Variants in HK1 observed in about 807,000 individuals in gnomAD.
HK1 encodes hexokinase-1.
Under a neutral mutation model 91.6 loss-of-function variants are expected in HK1, and 28 were observed. The observed-to-expected ratio is 0.31, with a 90% CI of 0.23 to 0.42. HK1 has a LOEUF of 0.42. Among genes scored for constraint, HK1 ranks in the 10% least tolerant of loss-of-function variants. The pLI, the probability that HK1 is intolerant of heterozygous loss-of-function variation, is 1.00. For missense variants in HK1, 770 were observed against 1,219.8 expected, an observed-to-expected ratio of 0.63 and a Z score of 5.49; for synonymous variants, 430 against 468.1, an observed-to-expected ratio of 0.92 and a Z score of 1.05.
intron 1 of HK1, among the ~76,000 whole-genome samples, chr10:69,324,044 TA>T (rs1208177441): frequency 6.6e-6 from 1 of 152,200 alleles, no homozygotes; most frequent in Non-Finnish European, 1.5e-5. Context: ...GATTTGTTTT[TA>T]TTTTTTTATA....
intron 1 of HK1, among the ~76,000 whole-genome samples, chr10:69,342,333 G>C: frequency 6.6e-6 from 1 of 152,196 alleles, no homozygotes; most frequent in Non-Finnish European, 1.5e-5. Flanking sequence ...TGGAAAGCTG[G>C]GATCCAGACC....
At chr10:69,339,850 G>T (rs1351888100) in intron 1 of HK1, among the ~76,000 whole-genome samples, 1 of 152,116 alleles carries the variant, frequency 6.6e-6, no homozygotes, top group Non-Finnish European at 1.5e-5. Flanking sequence ...AGACTTGCAG[G>T]TATAAAACCT....
At chr10:69,347,257 C>T (rs562744263) in intron 2 of HK1, among the ~76,000 whole-genome samples, 11 of 151,774 alleles carry the variant, frequency 7.2e-5, no homozygotes, top group South Asian at 2.1e-4. Context: ...GTGATCCACC[C>T]GCCTCGGCCT....
chr10:69,293,767 T>C (rs1845403481), intron 3 of HK1, among the ~76,000 whole-genome samples: 2 of 151,614 alleles, frequency 1.3e-5, no homozygotes, highest in African/African-American at 4.9e-5. Context: ...TTCAGCAGAA[T>C]AACTGGGGCT....
intron 2 of HK1, among the ~76,000 whole-genome samples, chr10:69,285,732 G>T (rs551162761): frequency 1.3e-5 from 2 of 152,154 alleles, no homozygotes; most frequent in Non-Finnish European, 2.9e-5. Context: ...ACTTCGGGGT[G>T]GAGAGTATAT....
In HK1 at chr10:69,401,637, T is replaced by C; in HGVS notation, c.*502T>C. The C allele has an allele frequency of 2.6e-6, 1 of 385,984 alleles. No homozygotes were observed. Among genetic ancestry groups the C allele is most frequent in the Non-Finnish European group, 5.1e-6 (1 of 196,350 alleles). 23.9% of individuals were successfully genotyped at this position (385,984 alleles called of 1,614,324 possible). A position where few individuals can be genotyped will look rare whatever the true frequency, so the allele number is the denominator to read the frequency against. On this transcript the variant is annotated 3_prime_UTR_variant, in exon 18 of 18. Transcript: ENST00000359426. ...TGCTTCCTCCCCTCCTGGCACCCAC[T>C]GTGGCCTGGCATCGCATCGTGGTGT...
chr10:69,367,529 C>T (rs138012635), intron 4 of HK1, among the ~76,000 whole-genome samples: 2 of 152,314 alleles, frequency 1.3e-5, no homozygotes, highest in East Asian at 3.9e-4. Flanking sequence ...TGAGAGGAGG[C>T]AGATAGTGTC....
In HK1 at chr10:69,348,961, T is replaced by C. The variant is rs139621403; in HGVS notation, c.226+4972T>C. Among the ~76,000 whole-genome samples, 441 of 152,332 alleles carry C rather than the reference T, an allele frequency of 2.9e-3. 6 individuals are homozygous for C. The highest frequency in any genetic ancestry group is 0.019 in the East Asian group (99 of 5,184). ...TCCATTATTTGCTGGTAATAATGGC[T>C]GTCATTAGAAAGTGGAGAATTGCCA... On this transcript the variant is annotated intron_variant, in intron 2 of 17. Transcript: ENST00000359426.
intron 1 of HK1, among the ~76,000 whole-genome samples, chr10:69,276,116 A>ATATATATATATATAT (rs1369009775): frequency 4.7e-5 from 2 of 42,562 alleles, no homozygotes; most frequent in Non-Finnish European, 9.9e-5. Context: ...AAAAAAAAAA[A>ATATATATATATATAT]AAATACATAT....
At position 69,401,331 on chromosome 10, in the gene HK1, G is replaced by A. The variant is rs115165850; in HGVS notation, c.*196G>A. The A allele has an allele frequency of 5.8e-3, 3,740 of 649,996 alleles. 109 individuals carry two copies. In the African/African-American group the frequency reaches 0.061, roughly 11 times the overall value. 40.3% of individuals were successfully genotyped at this position (649,996 alleles called of 1,614,324 possible). A position where few individuals can be genotyped will look rare whatever the true frequency, so the allele number is the denominator to read the frequency against. ...GTGCTGTTGATAATATCTCTCACCC[G>A]GATCCCTCCTCACTTGCCCTGCCAC... On this transcript the variant is annotated 3_prime_UTR_variant, in exon 18 of 18. Coordinates refer to ENST00000359426, the MANE Select transcript of HK1 (RefSeq NM_000188.3).
At chr10:69,271,821 A>G (rs1440799523) in intron 1 of HK1, among the ~76,000 whole-genome samples, 3 of 151,760 alleles carry the variant, frequency 2.0e-5, no homozygotes, top group Non-Finnish European at 2.9e-5. Context: ...ACTTTGAGAC[A>G]TTTGCAACAA....
chr10:69,309,314 T>A (rs1239670957), intron 5 of HK1, among the ~76,000 whole-genome samples: 1 of 150,502 alleles, frequency 6.6e-6, no homozygotes, highest in Non-Finnish European at 1.5e-5. Context: ...CCCCAGTAGC[T>A]GGAACTACAG....
At chr10:69,320,086 A>G (rs1246596325) in intron 1 of HK1, among the ~76,000 whole-genome samples, 1 of 152,132 alleles carries the variant, frequency 6.6e-6, no homozygotes, top group African/African-American at 2.4e-5. Context: ...AGGGTGTTCC[A>G]TCCTCTTCCT....
intron 5 of HK1, among the ~76,000 whole-genome samples, chr10:69,304,177 G>A (rs892328215): frequency 5.9e-5 from 9 of 152,220 alleles, no homozygotes; most frequent in African/African-American, 1.9e-4. Flanking sequence ...TAATCTTTTT[G>A]CTAATTTGTT....
Position 69,380,590 on chromosome 10 carries a change from A to T in HK1, c.1265+495A>T, listed in dbSNP as rs1839341353. Among the ~76,000 whole-genome samples, 1 of 152,126 alleles carries T rather than the reference A, an allele frequency of 6.6e-6. No individual in the cohort carries two copies. Reference sequence around the variant, plus strand: ...TTCTTGTTTCAGAAGCTCCTGTTAAAACCCCCCAAACCCTCAGACTTTACT... The same window carrying T: ...TTCTTGTTTCAGAAGCTCCTGTTAATACCCCCCAAACCCTCAGACTTTACT... On this transcript the variant is annotated intron_variant, in intron 9 of 17. Transcript: ENST00000359426. The surrounding 1 kb of genome is among the most constrained non-coding windows in gnomAD (Gnocchi z 4.0).
chr10:69,296,367 G>A (rs186536493), intron 4 of HK1: 58 of 152,760 alleles, frequency 3.8e-4, no homozygotes, highest in Non-Finnish European at 6.6e-4. Flanking sequence ...CCCAGGTGAG[G>A]GCCAAAGCTG....
intron 7 of HK1, among the ~76,000 whole-genome samples, chr10:69,371,541 A>G (rs1334919943): frequency 6.6e-6 from 1 of 152,228 alleles, no homozygotes; most frequent in Non-Finnish European, 1.5e-5. Context: ...AGGGTTTCAG[A>G]TAAGAGGTTA....
rs1183371825 is a variant in HK1, at chr10:69,369,198, T to C, written c.592-39T>C. 6.9e-7 allele frequency: 1 copy of C among 1,450,116 alleles called. No homozygotes were observed. Among genetic ancestry groups the C allele is most frequent in the Non-Finnish European group, 9.7e-7 (1 of 1,030,524 alleles). 89.8% of individuals were successfully genotyped at this position (1,450,116 alleles called of 1,614,324 possible). A position where few individuals can be genotyped will look rare whatever the true frequency, so the allele number is the denominator to read the frequency against. ...TTAAGGTGTGTGATCTCTGCTCCCA[T>C]GTGTGAGTGGACAATGACACCCCGT... On this transcript the variant is annotated intron_variant, in intron 5 of 17. Coordinates refer to ENST00000359426, the MANE Select transcript of HK1 (RefSeq NM_000188.3). This position sits in a 1 kb window ranked among gnomAD's most constrained non-coding sequence, Gnocchi z 4.4.
chr10:69,341,697 C>T (rs915051515), intron 1 of HK1, among the ~76,000 whole-genome samples: 1 of 151,946 alleles, frequency 6.6e-6, no homozygotes, highest in Non-Finnish European at 1.5e-5. Context: ...CTCAAATGAT[C>T]CTGCTGCCTT....
Sources: gnomAD v4.1 joint callset for allele counts (sites outside exome capture counted in the v4.1 genomes callset) on GRCh38, gnomAD v4.1.1 for gene constraint, Gnocchi (gnomAD v3.1) non-coding constraint, MANE v1.5 for transcripts, NCBI Gene and HGNC (gene_info 2026-07-23, HGNC 2026-07-21) for gene names.